MYH9: variants seen among roughly 807,000 people sequenced by gnomAD.
The protein encoded by MYH9 is myosin-9.
Under a neutral mutation model 241.9 loss-of-function variants are expected in MYH9, and 29 were observed. That is an observed-to-expected ratio of 0.12 (90% CI 0.09 to 0.16). MYH9 has a LOEUF of 0.16. MYH9 is among the 10% of genes least tolerant of loss of function. MYH9 has a pLI of 1.00. For missense variants in MYH9, 1,803 were observed against 2,595.5 expected (o/e 0.69, Z 6.63); for synonymous variants, 1,047 against 1,062.6 (o/e 0.99, Z 0.29).
At chr22:36,363,549 C>T (rs1214440213) in intron 1 of MYH9, among the ~76,000 whole-genome samples, 1 of 151,544 alleles carries the variant, frequency 6.6e-6, no homozygotes, top group Non-Finnish European at 1.5e-5. Flanking sequence ...GGCAGACAGA[C>T]CTAGGGCTGG....
At chr22:36,339,134 G>C (rs2017545026) in intron 3 of MYH9, among the ~76,000 whole-genome samples, 2 of 152,168 alleles carry the variant, frequency 1.3e-5, no homozygotes, top group Admixed American at 6.6e-5. Context: ...AGTCCCACAG[G>C]TTAACTGAAG....
chr22:36,317,348 T>G (rs1431538399), intron 11 of MYH9, among the ~76,000 whole-genome samples: 3 of 152,146 alleles, frequency 2.0e-5, no homozygotes, highest in Admixed American at 1.3e-4. Flanking sequence ...TGCCCAATGA[T>G]ATTCATCACT....
At chr22:36,309,436 G>C in intron 14 of MYH9, 40 bp from the exon 15 acceptor site, 2 of 1,488,822 alleles carry the variant, frequency 1.3e-6, no homozygotes, top group Non-Finnish European at 1.9e-6. Flanking sequence ...AGCTGCGCTG[G>C]GGACATGTGT....
chr22:36,299,698 G>A (rs372292011), intron 23 of MYH9, among the ~76,000 whole-genome samples: 9 of 152,282 alleles, frequency 5.9e-5, no homozygotes, highest in African/African-American at 1.9e-4. Flanking sequence ...TCTGCTCCCT[G>A]GGCAGACACC....
Position 36,293,909 on chromosome 22 carries a change from T to C in MYH9, c.3838-46A>G, listed in dbSNP as rs2016747080. The C allele has an allele frequency of 1.3e-6, 2 of 1,554,932 alleles. No homozygotes were observed. Among genetic ancestry groups the C allele is most frequent in the East Asian group, 4.6e-5 (2 of 43,548 alleles). ...CAAAGGACCATGGACCCACCCCCACTGCTCCTGCCCCACCTCATCTCCTTT... is the reference window on the plus strand; with the variant it reads ...CAAAGGACCATGGACCCACCCCCACCGCTCCTGCCCCACCTCATCTCCTTT... On this transcript the variant is annotated intron_variant, in intron 28 of 40. Coordinates refer to ENST00000216181, the MANE Select transcript of MYH9 (RefSeq NM_002473.6). This position sits in a 1 kb window ranked among gnomAD's most constrained non-coding sequence, Gnocchi z 5.1.
intron 2 of MYH9, 38 bp from the exon 3 acceptor site, chr22:36,341,564 G>A (rs2017590893): frequency 1.2e-6 from 2 of 1,609,100 alleles, no homozygotes; most frequent in Non-Finnish European, 1.7e-6. Flanking sequence ...AGGTTAGGAA[G>A]TTTGATTCTC....
intron 2 of MYH9, 78 bp downstream of exon 2, chr22:36,348,826 G>T: frequency 8.7e-7 from 1 of 1,147,700 alleles, no homozygotes; most frequent in Non-Finnish European, 1.2e-6. Flanking sequence ...GCACGTGAGG[G>T]TGATGGGAAG....
chr22:36,333,806 G>A (rs1322502684), intron 3 of MYH9, among the ~76,000 whole-genome samples: 1 of 152,226 alleles, frequency 6.6e-6, no homozygotes, highest in Non-Finnish European at 1.5e-5. Context: ...CTCTAAGCCA[G>A]AGCTGGAGAG....
intron 1 of MYH9, among the ~76,000 whole-genome samples, chr22:36,350,691 T>G (rs1037961940): frequency 6.6e-6 from 1 of 152,240 alleles, no homozygotes; most frequent in Non-Finnish European, 1.5e-5. Context: ...AATTTACAGA[T>G]GAGGAAACAA....
intron 14 of MYH9, 31 bp downstream of exon 14, chr22:36,312,018 T>C (rs200613849): frequency 1.8e-4 from 288 of 1,613,180 alleles, no homozygotes; most frequent in Non-Finnish European, 2.3e-4. Flanking sequence ...TGTGAAGATC[T>C]GGCCAGCACC....
intron 1 of MYH9, among the ~76,000 whole-genome samples, chr22:36,362,002 G>A (rs1221312542): frequency 4.6e-5 from 7 of 152,216 alleles, no homozygotes; most frequent in Non-Finnish European, 8.8e-5. Context: ...CCAGGAGGCA[G>A]AGGTTGCAGT....
chr22:36,338,819 C>CAAAAAA (rs1328134632), intron 3 of MYH9, among the ~76,000 whole-genome samples: 1 of 110,890 alleles, frequency 9.0e-6, no homozygotes. Context: ...GACTCCATCT[C>CAAAAAA]AAAAAAAAAA....
chr22:36,300,228 G>C lies in MYH9; in HGVS notation c.2875C>G (p.Arg959Gly). The C allele has an allele frequency of 6.2e-7, 1 of 1,613,486 alleles. No homozygotes were observed. The highest frequency in any genetic ancestry group is 8.5e-7 in the Non-Finnish European group (1 of 1,180,030). Residue 959 changes from arginine to glycine, a missense_variant, in exon 23 of 41, where the codon CGG becomes GGG. Around this residue, in one of 11 missense-constraint regions of MYH9, gnomAD observed 290 missense variants for 360.5 expected, o/e 0.80. Coordinates refer to ENST00000216181, the MANE Select transcript of MYH9 (RefSeq NM_002473.6). This position sits in a 1 kb window ranked among gnomAD's most constrained non-coding sequence, Gnocchi z 5.0. The part of the protein sequence containing the change: ...EEQLEEEESA[R>G]QKLQLEKVTT... Reference sequence around the variant, plus strand: ...ACCTTCTCCAGCTGCAGCTTCTGCCGGGCGCTCTCCTCCTCCTCCAGCTGC... The same window carrying C: ...ACCTTCTCCAGCTGCAGCTTCTGCCCGGCGCTCTCCTCCTCCTCCAGCTGC...
At chr22:36,302,774 T>TG in intron 19 of MYH9, 98 bp from the exon 20 acceptor site, 1 of 1,013,906 alleles carries the variant, frequency 9.9e-7, no homozygotes, top group South Asian at 1.3e-5. Flanking sequence ...GGTCTACCCT[T>TG]GCCTGGGGCA....
rs2016869396 is a variant in MYH9 at position 36,301,063 on chromosome 22, A to T, written c.2632-6T>A. 1.2e-6 allele frequency: 2 copies of T among 1,608,162 alleles called. No homozygotes were observed. Among genetic ancestry groups the T allele is most frequent in the Non-Finnish European group, 8.5e-7 (1 of 1,179,718 alleles). On this transcript the variant is annotated splice_polypyrimidine_tract_variant and splice_region_variant and intron_variant, in intron 21 of 40. Transcript: ENST00000216181. The stretch of plus-strand genomic sequence containing the variant: ...TGCAATTTCTCTGCCATGAGCTGCA[A>T]ACAACAAGTGGAAAACACAAGCTCC...
At chr22:36,326,731 G>A (rs1331093271) in intron 4 of MYH9, 70 bp from the exon 5 acceptor site, 3 of 1,303,938 alleles carry the variant, frequency 2.3e-6, no homozygotes, top group East Asian at 4.6e-5. Context: ...CCTTCCCACT[G>A]CACGCTCCAC....
chr22:36,319,354 T>C (rs1051449255), intron 10 of MYH9, among the ~76,000 whole-genome samples, 186 bp downstream of exon 10: 19 of 152,138 alleles, frequency 1.2e-4, no homozygotes, highest in African/African-American at 4.3e-4. Flanking sequence ...TATTCTGAAA[T>C]GCTTACTTGG....
At chr22:36,376,240 C>A (rs1450016938) in intron 1 of MYH9, among the ~76,000 whole-genome samples, 1 of 152,024 alleles carries the variant, frequency 6.6e-6, no homozygotes, top group East Asian at 1.9e-4. Flanking sequence ...GGATTACAGG[C>A]GTGAGCCACC....
At chr22:36,341,275 A>C in intron 3 of MYH9, 95 bp downstream of exon 3, 1 of 1,491,874 alleles carries the variant, frequency 6.7e-7, no homozygotes, top group Middle Eastern at 2.3e-4. Context: ...CCACTAGATC[A>C]ATGTGGCACC....
Sources: allele counts gnomAD v4.1 joint callset (sites outside exome capture counted in the v4.1 genomes callset), GRCh38; gene constraint gnomAD v4.1.1; regional missense constraint gnomAD v4.1.1; non-coding constraint Gnocchi (gnomAD v3.1); transcripts MANE v1.5; gene names NCBI Gene and HGNC (gene_info 2026-07-23, HGNC 2026-07-21).